TBC1D22A: variants seen among roughly 807,000 people sequenced by gnomAD.
TBC1D22A encodes the protein TBC1 domain family member 22A.
A neutral mutation model predicts 60.2 loss-of-function variants in TBC1D22A; 38 were observed. The observed-to-expected ratio is 0.63, with a 90% CI of 0.49 to 0.83. The LOEUF (loss-of-function observed/expected upper bound fraction) is 0.83, where lower values mean the gene tolerates loss of function less well. Among genes scored for constraint, TBC1D22A ranks in the 40% least tolerant of loss-of-function variants. The pLI, the probability that TBC1D22A is intolerant of heterozygous loss-of-function variation, is 0.00. For synonymous variants in TBC1D22A, 302 were observed against 281.7 expected (o/e 1.07, Z -0.72); for missense variants, 628 against 701.0 (o/e 0.90, Z 1.18).
rs954793801 is a variant in TBC1D22A at position 47,080,159 on chromosome 22, A to G, written c.1330-31349A>G. On this transcript the variant is annotated intron_variant, in intron 11 of 12. Coordinates refer to ENST00000337137, the MANE Select transcript of TBC1D22A (RefSeq NM_014346.5). The stretch of plus-strand genomic sequence containing the variant: ...GGACAGACTTGAAGGGAGTAGATAA[A>G]CTAGTTATAACCAGAGATTTTTACT... 4.6e-5 allele frequency among the ~76,000 whole-genome samples: 7 copies of G among 151,538 alleles called. No individual in the cohort carries two copies. The South Asian group carries it at 6.3e-4, about 14-fold the overall frequency.
intron 8 of TBC1D22A, among the ~76,000 whole-genome samples, chr22:46,956,285 A>C (rs894732231): frequency 2.0e-5 from 3 of 152,142 alleles, no homozygotes; most frequent in African/African-American, 7.2e-5. Flanking sequence ...TGATGTCCTA[A>C]TAAGAAGAAG....
At chr22:47,110,019 G>A (rs112540713) in intron 11 of TBC1D22A, among the ~76,000 whole-genome samples, 5 of 152,164 alleles carry the variant, frequency 3.3e-5, no homozygotes, top group African/African-American at 4.8e-5. Context: ...TCAGAGCCCC[G>A]AGGATCTGTA....
At chr22:47,032,342 T>C (rs2062506146) in intron 10 of TBC1D22A, among the ~76,000 whole-genome samples, 1 of 152,232 alleles carries the variant, frequency 6.6e-6, no homozygotes, top group African/African-American at 2.4e-5. Flanking sequence ...ACAAAGTCCC[T>C]GCCCTCGAGG....
intron 11 of TBC1D22A, among the ~76,000 whole-genome samples, chr22:47,096,651 A>G (rs999387346): frequency 2.0e-5 from 3 of 152,000 alleles, no homozygotes; most frequent in Non-Finnish European, 2.9e-5. Context: ...GCAAAACCCC[A>G]TCTCTACTAA....
At chr22:46,787,388 G>C (rs1289727799) in intron 1 of TBC1D22A, among the ~76,000 whole-genome samples, 1 of 152,080 alleles carries the variant, frequency 6.6e-6, no homozygotes, top group African/African-American at 2.4e-5. Context: ...TCTTTCTGTC[G>C]AGTGGCCCGG....
chr22:47,052,896 G>A (rs918056861), intron 11 of TBC1D22A, among the ~76,000 whole-genome samples: 8 of 152,222 alleles, frequency 5.3e-5, no homozygotes, highest in South Asian at 4.1e-4. Flanking sequence ...TGTGGTACCC[G>A]GTATCCCCGT....
At chr22:47,060,938 G>A (rs7286116) in intron 11 of TBC1D22A, among the ~76,000 whole-genome samples, 3,244 of 152,298 alleles carry the variant, frequency 0.021, 61 homozygotes, top group African/African-American at 0.053. Context: ...CAGGGGCCTT[G>A]TCTTTGCCTA....
At chr22:46,939,203 A>G (rs1469799525) in intron 8 of TBC1D22A, among the ~76,000 whole-genome samples, 1 of 152,206 alleles carries the variant, frequency 6.6e-6, no homozygotes, top group Non-Finnish European at 1.5e-5. Flanking sequence ...GAATCAGAAG[A>G]TGAATGCAGA....
At chr22:46,912,421 A>G (rs997619854) in intron 8 of TBC1D22A, among the ~76,000 whole-genome samples, 5 of 152,210 alleles carry the variant, frequency 3.3e-5, no homozygotes, top group African/African-American at 7.2e-5. Flanking sequence ...CTTCTTTTTA[A>G]CAATATTTGA....
intron 11 of TBC1D22A, among the ~76,000 whole-genome samples, chr22:47,038,916 G>T (rs2062745631): frequency 6.6e-6 from 1 of 152,196 alleles, no homozygotes; most frequent in East Asian, 1.9e-4. Flanking sequence ...TAGTGCTATT[G>T]ATCGGCTCTC....
chr22:47,090,057 C>T (rs767044944), intron 11 of TBC1D22A, among the ~76,000 whole-genome samples: 8 of 152,144 alleles, frequency 5.3e-5, no homozygotes, highest in Admixed American at 3.3e-4. Context: ...CCCCGCCGTG[C>T]GCAGCGGTCC....
At chr22:46,855,782 G>T (rs1434629957) in intron 4 of TBC1D22A, among the ~76,000 whole-genome samples, 1 of 152,202 alleles carries the variant, frequency 6.6e-6, no homozygotes, top group Non-Finnish European at 1.5e-5. Flanking sequence ...GTCTTTCGTT[G>T]CCATCCGAGC....
Position 46,839,300 on chromosome 22 carries a change from ATTC to A in TBC1D22A, c.638-39344_638-39342del, listed in dbSNP as rs1039530387. 2.3e-4 allele frequency among the ~76,000 whole-genome samples: 35 copies of A among 151,502 alleles called. No homozygotes were observed. The East Asian group carries it at 3.5e-3, about 15-fold the overall frequency. Reference sequence around the variant, plus strand: ...GTGAATGTAACCAAGGCGGTGAAGGATTCTTCTTCTTTTTTTTTTTTTTTTGAG... The same window carrying A: ...GTGAATGTAACCAAGGCGGTGAAGGATTCTTCTTTTTTTTTTTTTTTTGAG... On this transcript the variant is annotated intron_variant, in intron 4 of 12. Transcript: ENST00000337137.
intron 7 of TBC1D22A, among the ~76,000 whole-genome samples, chr22:46,895,413 G>T (rs1300676763): frequency 2.6e-5 from 4 of 151,870 alleles, no homozygotes; most frequent in African/African-American, 7.3e-5. Context: ...TTGCTCTGTC[G>T]CCCAGGCTGG....
At chr22:46,996,536 C>T (rs1304344147) in intron 9 of TBC1D22A, among the ~76,000 whole-genome samples, 1 of 152,276 alleles carries the variant, frequency 6.6e-6, no homozygotes, top group South Asian at 2.1e-4. Context: ...TGTAAGGCCA[C>T]ACATCCACAG....
Position 47,028,188 on chromosome 22 carries a change from AC to A in TBC1D22A, c.1202-8881del, listed in dbSNP as rs1357531774. On this transcript the variant is annotated intron_variant, in intron 10 of 12. Coordinates refer to ENST00000337137, the MANE Select transcript of TBC1D22A (RefSeq NM_014346.5). This position sits in a 1 kb window ranked among gnomAD's most constrained non-coding sequence, Gnocchi z 4.4. ...GATTATGTTACTGTCAAAAAAATAG[AC>A]CTCAATACCTCTCTAGAGATGAAAA... Among the ~76,000 whole-genome samples the A allele has an allele frequency of 6.6e-6, 1 of 152,152 alleles. No individual in the cohort carries two copies. The highest frequency in any genetic ancestry group is 1.9e-4 in the East Asian group (1 of 5,196).
At chr22:47,147,438 A>G (rs919236934) in intron 12 of TBC1D22A, among the ~76,000 whole-genome samples, 34 of 152,142 alleles carry the variant, frequency 2.2e-4, no homozygotes, top group African/African-American at 7.2e-4. Context: ...GGCCTGGTAT[A>G]TAGCATGTGG....
intron 7 of TBC1D22A, among the ~76,000 whole-genome samples, chr22:46,905,689 G>A (rs1195180393): frequency 6.6e-6 from 1 of 152,224 alleles, no homozygotes; most frequent in African/African-American, 2.4e-5. Flanking sequence ...TGGGGCCAAG[G>A]GAGCCTCTGG....
intron 9 of TBC1D22A, among the ~76,000 whole-genome samples, chr22:46,983,348 G>A (rs1410767894): frequency 2.0e-5 from 3 of 152,258 alleles, no homozygotes; most frequent in African/African-American, 7.2e-5. Flanking sequence ...AATCCTCAAT[G>A]TTGAGGACAG....
Sources: gnomAD v4.1 joint callset for allele counts (sites outside exome capture counted in the v4.1 genomes callset) on GRCh38, gnomAD v4.1.1 for gene constraint, Gnocchi (gnomAD v3.1) non-coding constraint, MANE v1.5 for transcripts, NCBI Gene and HGNC (gene_info 2026-07-23, HGNC 2026-07-21) for gene names.